The following ACYP2 variants were observed in gnomAD, a reference collection of about 807,000 sequenced individuals.
The protein encoded by ACYP2 is acylphosphatase 2.
Under a neutral mutation model 11.2 loss-of-function variants are expected in ACYP2, and 12 were observed. That is an observed-to-expected ratio of 1.08 (90% CI 0.69 to 1.74). The LOEUF (loss-of-function observed/expected upper bound fraction) is 1.74, where lower values mean the gene tolerates loss of function less well. ACYP2 is among the 40% of genes most tolerant of loss of function. The pLI, the probability that ACYP2 is intolerant of heterozygous loss-of-function variation, is 0.00. For missense variants in ACYP2, 134 were observed against 101.9 expected, an observed-to-expected ratio of 1.31 and a Z score of -1.35; for synonymous variants, 43 against 32.2, an observed-to-expected ratio of 1.33 and a Z score of -1.13.
chr2:54,214,951 G>A (rs1685496446), intron 6 of ACYP2, among the ~76,000 whole-genome samples: 1 of 152,070 alleles, frequency 6.6e-6, no homozygotes, highest in Non-Finnish European at 1.5e-5. Context: ...AATTCTTGTT[G>A]TAGAGATCTT....
chr2:54,043,280 A>G (rs1221114498), intron 2 of ACYP2, among the ~76,000 whole-genome samples: 1 of 152,158 alleles, frequency 6.6e-6, no homozygotes, highest in Admixed American at 6.5e-5. Flanking sequence ...AAGGAATCCA[A>G]TATACAGGCA....
chr2:54,140,424 C>T (rs547206790), intron 6 of ACYP2, among the ~76,000 whole-genome samples: 2 of 152,160 alleles, frequency 1.3e-5, no homozygotes, highest in Non-Finnish European at 2.9e-5. Flanking sequence ...ACACTGTGCT[C>T]ATGTTTTCTT....
chr2:54,138,532 C>G, intron 5 of ACYP2, 107 bp from the exon 3 acceptor site: 1 of 815,016 alleles, frequency 1.2e-6, no homozygotes, highest in Non-Finnish European at 1.9e-6. Flanking sequence ...GCATTGACTA[C>G]AAAAAATGAT....
At chr2:54,264,179 G>A (rs1371066260) in intron 6 of ACYP2, among the ~76,000 whole-genome samples, 1 of 152,106 alleles carries the variant, frequency 6.6e-6, no homozygotes, top group Non-Finnish European at 1.5e-5. Flanking sequence ...TCGTGGTCTC[G>A]CTTGATTTCA....
intron 4 of ACYP2, among the ~76,000 whole-genome samples, chr2:54,095,846 T>C (rs1282834480): frequency 1.5e-5 from 1 of 67,870 alleles, no homozygotes; most frequent in Non-Finnish European, 2.9e-5. Flanking sequence ...GGCTCCTCAC[T>C]TCCCAGTAGG....
At chr2:54,124,941 A>T (rs1258798041) in intron 4 of ACYP2, among the ~76,000 whole-genome samples, 1 of 152,074 alleles carries the variant, frequency 6.6e-6, no homozygotes, top group African/African-American at 2.4e-5. Context: ...TTTTGTAGAG[A>T]TGGGGTTTCA....
intron 6 of ACYP2, among the ~76,000 whole-genome samples, chr2:54,226,178 T>C (rs1469794414): frequency 5.9e-5 from 9 of 152,190 alleles, no homozygotes; most frequent in Non-Finnish European, 1.5e-5. Flanking sequence ...ACTATAAATT[T>C]ACATGATGTA....
intron 2 of ACYP2, among the ~76,000 whole-genome samples, chr2:54,015,578 G>A (rs1300222429): frequency 2.0e-5 from 3 of 151,852 alleles, no homozygotes; most frequent in Non-Finnish European, 2.9e-5. Flanking sequence ...AGCCTGGGGA[G>A]GTGGAGGATT....
chr2:54,010,737 CTTTTTTT>C (rs539896151), intron 2 of ACYP2, among the ~76,000 whole-genome samples: 17 of 107,662 alleles, frequency 1.6e-4, no homozygotes, highest in Admixed American at 2.2e-4. Flanking sequence ...TTCTTTCTTT[CTTTTTTT>C]TTTTTTTTTT....
intron 4 of ACYP2, among the ~76,000 whole-genome samples, chr2:54,096,678 C>T (rs1678604006): frequency 1.3e-5 from 2 of 152,160 alleles, no homozygotes; most frequent in East Asian, 1.9e-4. Context: ...CAAAAAAATA[C>T]GAAAACCAGT....
At chr2:54,114,446 G>A (rs1679631100) in intron 4 of ACYP2, among the ~76,000 whole-genome samples, 2 of 151,258 alleles carry the variant, frequency 1.3e-5, no homozygotes, top group Admixed American at 6.6e-5. Flanking sequence ...CACTTTGGGA[G>A]GCCGAGGCAG....
At chr2:54,009,030 G>GT (rs1673219029) in intron 2 of ACYP2, among the ~76,000 whole-genome samples, 1 of 151,910 alleles carries the variant, frequency 6.6e-6, no homozygotes, top group African/African-American at 2.4e-5. Flanking sequence ...GCGGGCACCT[G>GT]TAATCCTAGC....
intron 6 of ACYP2, among the ~76,000 whole-genome samples, chr2:54,188,927 G>A (rs913035903): frequency 6.6e-6 from 1 of 152,104 alleles, no homozygotes; most frequent in African/African-American, 2.4e-5. Flanking sequence ...CTCGTACTCT[G>A]GATCCTAGCC....
intron 6 of ACYP2, among the ~76,000 whole-genome samples, chr2:54,176,375 A>G (rs930064921): frequency 2.6e-5 from 4 of 152,224 alleles, no homozygotes; most frequent in Non-Finnish European, 5.9e-5. Flanking sequence ...GAAGCCATAC[A>G]TTGAAGGTGG....
At chr2:54,147,168 G>C (rs1459871653) in intron 6 of ACYP2, among the ~76,000 whole-genome samples, 1 of 151,768 alleles carries the variant, frequency 6.6e-6, no homozygotes, top group Non-Finnish European at 1.5e-5. Context: ...TTTTTCTCCT[G>C]TTTGCTTGTT....
chr2:54,289,169 A>G (rs1414381789), intron 6 of ACYP2, among the ~76,000 whole-genome samples: 2 of 151,872 alleles, frequency 1.3e-5, no homozygotes, highest in African/African-American at 2.4e-5. Context: ...AAGTCAGACA[A>G]CCTCTTCCAT....
intron 2 of ACYP2, among the ~76,000 whole-genome samples, chr2:53,996,668 G>A (rs937671300): frequency 5.3e-5 from 8 of 152,136 alleles, no homozygotes; most frequent in African/African-American, 1.9e-4. Context: ...CATTAGCTAA[G>A]TGTATTCTTT....
chr2:54,281,981 T>G (rs961741276), intron 6 of ACYP2, among the ~76,000 whole-genome samples: 1 of 152,246 alleles, frequency 6.6e-6, no homozygotes, highest in Admixed American at 6.5e-5. Flanking sequence ...TTTTCATGTA[T>G]ACACTTACTT....
At chr2:54,059,230 T>C (rs1020750175) in intron 4 of ACYP2, among the ~76,000 whole-genome samples, 1 of 150,944 alleles carries the variant, frequency 6.6e-6, no homozygotes, top group African/African-American at 2.5e-5. Flanking sequence ...TTCTTTTTTT[T>C]CTTTTGAGTT....
Sources: gnomAD v4.1 joint callset for allele counts (sites outside exome capture counted in the v4.1 genomes callset) on GRCh38, gnomAD v4.1.1 for gene constraint, MANE v1.5 for transcripts, NCBI Gene and HGNC (gene_info 2026-07-23, HGNC 2026-07-21) for gene names.